Variants in TTC3 observed in about 807,000 individuals in gnomAD.
The protein encoded by TTC3 is tetratricopeptide repeat domain 3.
A neutral mutation model predicts 249.6 loss-of-function variants in TTC3; 180 were observed. The ratio of observed to expected loss-of-function variants is 0.72; its 90% CI spans 0.64 to 0.82. The LOEUF (loss-of-function observed/expected upper bound fraction) is 0.82, where lower values mean the gene tolerates loss of function less well. Among genes scored for constraint, TTC3 ranks in the 40% least tolerant of loss-of-function variants. The pLI is 0.00. For synonymous variants in TTC3, 717 were observed against 805.0 expected (o/e 0.89, Z 1.85); for missense variants, 2,061 against 2,398.4 (o/e 0.86, Z 2.94).
At chr21:37,156,677 C>T (rs1218183104) in exon 28 of TTC3, 2 of 1,612,244 alleles carry the variant, frequency 1.2e-6, no homozygotes, top group African/African-American at 2.7e-5. Context: ...CAGGAACTTT[C>T]TTTTCTCGTT....
chr21:37,099,204 A>T (rs1322857483), intron 10 of TTC3: 1 of 138,332 alleles, frequency 7.2e-6, no homozygotes, highest in African/African-American at 2.5e-5. Context: ...ATTCAATTTA[A>T]AAAAGAACTT....
chr21:37,138,642 C>A, exon 19 of TTC3: 1 of 1,610,812 alleles, frequency 6.2e-7, no homozygotes, highest in Non-Finnish European at 8.5e-7. Context: ...AGCAATTGAA[C>A]CTGGCCATGA....
chr21:37,124,680 A>G lies in TTC3; in HGVS notation c.1171A>G (p.Lys391Glu), dbSNP rs2076917486. 5.0e-6 allele frequency: 8 copies of G among 1,613,714 alleles called. No homozygotes were observed. In the Middle Eastern group the frequency reaches 6.7e-4, roughly 136 times the overall value. Residue 391 changes from lysine (K) to glutamate (E), a missense_variant, in exon 14 of 46, where the codon AAG (lysine) becomes GAG (glutamate). Lys to Glu is a moderately conservative substitution (Grantham distance 56, BLOSUM62 1). This residue lies in a region of TTC3 where 989 missense variants were observed against 1,145.1 expected (regional missense o/e 0.86). Coordinates refer to ENST00000355666, the Ensembl canonical transcript of TTC3. ...TACTACTTCACTTAACTTTGTGGAGAAGGAAAGAGATTTCAGAAAAATTAA... is the reference window on the plus strand; with the variant it reads ...TACTACTTCACTTAACTTTGTGGAGGAGGAAAGAGATTTCAGAAAAATTAA...
intron 37 of TTC3, 51 bp downstream of exon 37, chr21:37,185,825 A>G (rs775461891): frequency 3.6e-6 from 4 of 1,122,166 alleles, no homozygotes; most frequent in Non-Finnish European, 4.9e-6. Flanking sequence ...TTTTAATGCC[A>G]GGAGTACAAG....
chr21:37,074,754 T>G (rs1055611663), intron 1 of TTC3, among the ~76,000 whole-genome samples: 5 of 152,230 alleles, frequency 3.3e-5, no homozygotes, highest in African/African-American at 1.2e-4. Flanking sequence ...GAGACCCAGC[T>G]ACTGCTCCGA....
chr21:37,090,230 C>T lies in TTC3; in HGVS notation c.427-3C>T. ...AAAAATATGTCCTTTTTTTATTTTT[C>T]AGAATGATTCATTCCTTATTGGAGG... On this transcript the variant is annotated splice_region_variant and splice_polypyrimidine_tract_variant and intron_variant, in intron 5 of 45. Transcript: ENST00000355666. 2.5e-6 allele frequency: 4 copies of T among 1,585,150 alleles called. No homozygotes were observed. The highest frequency in any genetic ancestry group is 3.6e-5 in the Admixed American group (2 of 55,228).
In TTC3 at chr21:37,087,814, A is replaced by C; in HGVS notation, c.145-19A>C. On this transcript the variant is annotated intron_variant, in intron 2 of 45. Coordinates refer to ENST00000355666, the Ensembl canonical transcript of TTC3. ...AACATTTTACTAGACACAAATCAAA[A>C]TAATTTTCTTCTTTTTAGGGTGTGC... The C allele has an allele frequency of 6.4e-7, 1 of 1,570,472 alleles. No individual in the cohort carries two copies. Among genetic ancestry groups the C allele is most frequent in the Non-Finnish European group, 8.7e-7 (1 of 1,148,800 alleles).
intron 20 of TTC3, 47 bp downstream of exon 20, chr21:37,140,720 T>A: frequency 7.8e-7 from 1 of 1,276,688 alleles, no homozygotes; most frequent in Non-Finnish European, 1.1e-6. Context: ...GTAACTCATT[T>A]AAAATCCAAT....
In TTC3 at chr21:37,146,084, A is replaced by G. The variant is rs151161373; in HGVS notation, c.1894-1397A>G. On this transcript the variant is annotated intron_variant, in intron 21 of 45. Transcript: ENST00000355666. ...CTTGTACATGAATGTTCATAGCAGC[A>G]TTAGTCATAATAGCCCAAAATGGGA... Among the ~76,000 whole-genome samples the G allele has an allele frequency of 2.5e-3, 382 of 152,350 alleles. 5 individuals carry two copies. Among genetic ancestry groups the G allele is most frequent in the Admixed American group, 6.7e-3 (102 of 15,308 alleles).
chr21:37,091,443 G>C, intron 7 of TTC3, 30 bp downstream of exon 7: 1 of 1,575,560 alleles, frequency 6.3e-7, no homozygotes, highest in Non-Finnish European at 8.6e-7. Flanking sequence ...ATTGTTACTT[G>C]ACTCAGTTTT....
chr21:37,173,699 A>G (rs1221631260), intron 35 of TTC3, among the ~76,000 whole-genome samples: 1 of 152,210 alleles, frequency 6.6e-6, no homozygotes, highest in African/African-American at 2.4e-5. Context: ...CAGGAAACCT[A>G]TTTACTAAGA....
At chr21:37,146,555 T>C (rs1200112393) in intron 21 of TTC3, among the ~76,000 whole-genome samples, 1 of 151,744 alleles carries the variant, frequency 6.6e-6, no homozygotes, top group African/African-American at 2.4e-5. Context: ...TGCTGCAGCA[T>C]GGATGGACCT....
At chr21:37,111,583 C>G (rs2075665443) in intron 11 of TTC3, among the ~76,000 whole-genome samples, 1 of 152,154 alleles carries the variant, frequency 6.6e-6, no homozygotes, top group Non-Finnish European at 1.5e-5. Flanking sequence ...GACTTAGACT[C>G]CCACAGAATA....
At chr21:37,160,728 CAT>C (rs1484267306) in intron 29 of TTC3, 72 bp from the exon 30 acceptor site, 5 of 1,489,432 alleles carry the variant, frequency 3.4e-6, no homozygotes, top group Non-Finnish European at 4.6e-6. Context: ...TGTAAAAACT[CAT>C]ATGGTTTCTT....
intron 17 of TTC3, among the ~76,000 whole-genome samples, chr21:37,133,615 T>A (rs1038358680): frequency 3.9e-5 from 6 of 152,182 alleles, no homozygotes; most frequent in African/African-American, 1.4e-4. Flanking sequence ...CTCCATATGC[T>A]GGGGAGTGAG....
At chr21:37,188,976 T>C (rs2083641182) in intron 39 of TTC3, among the ~76,000 whole-genome samples, 1 of 152,242 alleles carries the variant, frequency 6.6e-6, no homozygotes, top group South Asian at 2.1e-4. Context: ...ACTGCTGTGC[T>C]GGAACAGTGG....
chr21:37,096,472 A>G (rs1388300248), intron 9 of TTC3, 109 bp from the exon 10 acceptor site: 6 of 721,416 alleles, frequency 8.3e-6, no homozygotes, highest in Admixed American at 3.0e-5. Context: ...GCTTTGCCAC[A>G]CATATGTAAA....
chr21:37,085,224 A>G (rs901778421), intron 1 of TTC3, among the ~76,000 whole-genome samples: 2 of 152,182 alleles, frequency 1.3e-5, no homozygotes, highest in African/African-American at 4.8e-5. Flanking sequence ...AATTTGTAAG[A>G]CAAGTGAGAT....
At chr21:37,128,152 G>T (rs1389219443) in intron 15 of TTC3, among the ~76,000 whole-genome samples, 1 of 152,128 alleles carries the variant, frequency 6.6e-6, no homozygotes, top group African/African-American at 2.4e-5. Context: ...GGCCACCAAA[G>T]CCCAGGCTCT....
Sources: gnomAD v4.1 joint callset for allele counts (sites outside exome capture counted in the v4.1 genomes callset) on GRCh38, gnomAD v4.1.1 for gene constraint, gnomAD v4.1.1 regional missense constraint, MANE v1.5 for transcripts, NCBI Gene and HGNC (gene_info 2026-07-23, HGNC 2026-07-21) for gene names.